Variants in PKIB observed in about 807,000 individuals in gnomAD.
PKIB encodes PKI-beta.
In PKIB, 2 loss-of-function variants were observed where a neutral mutation model predicts 4.5. That is an observed-to-expected ratio of 0.44 (90% CI 0.18 to 1.39). The LOEUF (loss-of-function observed/expected upper bound fraction) is 1.39, where lower values mean the gene tolerates loss of function less well. PKIB is among the 40% of genes most tolerant of loss of function. The pLI, the probability that PKIB is intolerant of heterozygous loss-of-function variation, is 0.27. For synonymous variants in PKIB, 38 were observed against 36.0 expected (o/e 1.06, Z -0.20); for missense variants, 94 against 92.6 (o/e 1.02, Z -0.06).
intron 3 of PKIB, among the ~76,000 whole-genome samples, chr6:122,601,654 G>A (rs1193537525): frequency 6.6e-6 from 1 of 152,106 alleles, no homozygotes; most frequent in Non-Finnish European, 1.5e-5. Flanking sequence ...TGAGGATGAA[G>A]ACCTTTATAA....
intron 4 of PKIB, 49 bp downstream of exon 4, chr6:122,718,012 C>T: frequency 1.3e-6 from 2 of 1,561,520 alleles, no homozygotes; most frequent in Non-Finnish European, 8.7e-7. Context: ...CCCTTCTTAA[C>T]CAAGCCTTTT....
chr6:122,629,324 A>T (rs1775592776), intron 1 of PKIB, among the ~76,000 whole-genome samples: 1 of 152,212 alleles, frequency 6.6e-6, no homozygotes, highest in African/African-American at 2.4e-5. Context: ...ATGATGACCC[A>T]ATCTGGAACA....
At chr6:122,641,516 A>C (rs1776119324) in intron 2 of PKIB, among the ~76,000 whole-genome samples, 1 of 152,188 alleles carries the variant, frequency 6.6e-6, no homozygotes, top group South Asian at 2.1e-4. Context: ...TTCCCAGGCA[A>C]ACCACAATGA....
chr6:122,528,592 T>C (rs1314916598), intron 2 of PKIB, among the ~76,000 whole-genome samples: 4 of 152,152 alleles, frequency 2.6e-5, no homozygotes, highest in African/African-American at 9.7e-5. Flanking sequence ...CCTCTTCTTA[T>C]AAGAACGTTA....
At chr6:122,640,046 C>T (rs1038810699) in intron 2 of PKIB, among the ~76,000 whole-genome samples, 1 of 152,028 alleles carries the variant, frequency 6.6e-6, no homozygotes, top group Admixed American at 6.6e-5. Context: ...ATCCTTAGTG[C>T]CTACATCAGA....
chr6:122,506,512 GA>G (rs1776402192), intron 2 of PKIB, among the ~76,000 whole-genome samples: 1 of 152,076 alleles, frequency 6.6e-6, no homozygotes, highest in African/African-American at 2.4e-5. Context: ...CAAATTATGG[GA>G]AACTGGGCAT....
At chr6:122,567,603 A>G (rs1012286323) in intron 2 of PKIB, among the ~76,000 whole-genome samples, 2 of 152,248 alleles carry the variant, frequency 1.3e-5, no homozygotes, top group South Asian at 2.1e-4. Flanking sequence ...TTGTAGCAAC[A>G]TAGATAAATC....
At chr6:122,567,071 G>A (rs1196491609) in intron 2 of PKIB, among the ~76,000 whole-genome samples, 1 of 152,130 alleles carries the variant, frequency 6.6e-6, no homozygotes, top group Non-Finnish European at 1.5e-5. Flanking sequence ...AATTTCAATA[G>A]GCTGTCACCA....
At position 122,585,919 on chromosome 6, in the gene PKIB, AG is replaced by A. The variant is rs1773835740; in HGVS notation, c.-247del. 1 of 152,076 alleles carries A rather than the reference AG, an allele frequency of 6.6e-6. No individual in the cohort carries two copies. The highest frequency in any genetic ancestry group is 2.4e-5 in the African/African-American group (1 of 41,514). 9.4% of individuals were successfully genotyped at this position (152,076 alleles called of 1,614,324 possible). ...ACTTGTTTTTCTCTTTCTCTCTCTT[AG>A]GTTTTTCTTTCGTTTAAAGATGACA... is the stretch of plus-strand genomic sequence containing the variant. On this transcript the variant is annotated splice_acceptor_variant, in intron 2 of 6. Coordinates refer to the PKIB transcript ENST00000392491. LOFTEE classifies it low-confidence loss of function (5UTR_SPLICE).
chr6:122,582,780 C>T (rs920975526), intron 2 of PKIB, among the ~76,000 whole-genome samples: 16 of 151,970 alleles, frequency 1.1e-4, no homozygotes, highest in African/African-American at 2.7e-4. Flanking sequence ...AGAGGCTCCA[C>T]GAGGTCAGGG....
chr6:122,547,628 G>A (rs35524515), intron 2 of PKIB, among the ~76,000 whole-genome samples: 5 of 151,148 alleles, frequency 3.3e-5, no homozygotes, highest in Admixed American at 1.3e-4. Flanking sequence ...GTGAGCCACC[G>A]CGCCCGGCCT....
intron 3 of PKIB, among the ~76,000 whole-genome samples, chr6:122,596,178 C>G (rs936837357): frequency 6.6e-6 from 1 of 152,208 alleles, no homozygotes; most frequent in East Asian, 1.9e-4. Context: ...TGCCCTTCAC[C>G]ACTGTCCTTC....
chr6:122,685,191 G>T (rs1778048884), intron 3 of PKIB, among the ~76,000 whole-genome samples: 1 of 152,102 alleles, frequency 6.6e-6, no homozygotes, highest in Admixed American at 6.5e-5. Context: ...TTGTGCCAAA[G>T]TGTAGGTAAT....
At chr6:122,576,495 C>T (rs1175620009) in intron 2 of PKIB, among the ~76,000 whole-genome samples, 1 of 150,856 alleles carries the variant, frequency 6.6e-6, no homozygotes, top group African/African-American at 2.4e-5. Context: ...GGTGAAACCC[C>T]GTTTCTACTA....
At chr6:122,483,155 T>C (rs915216215) in intron 2 of PKIB, 3 of 152,154 alleles carry the variant, frequency 2.0e-5, no homozygotes, top group Non-Finnish European at 1.5e-5. Flanking sequence ...GTAAGTTATC[T>C]CTTTTTCTTC....
intron 3 of PKIB, among the ~76,000 whole-genome samples, chr6:122,602,812 C>T (rs902782244): frequency 3.3e-5 from 5 of 151,732 alleles, no homozygotes; most frequent in African/African-American, 7.3e-5. Context: ...AAAAATTAGC[C>T]GGGTGTGGTG....
chr6:122,635,686 A>G (rs1368089783), intron 2 of PKIB, among the ~76,000 whole-genome samples: 1 of 152,082 alleles, frequency 6.6e-6, no homozygotes, highest in East Asian at 1.9e-4. Flanking sequence ...AAAGTGGTTT[A>G]GTATCAGGAA....
intron 2 of PKIB, among the ~76,000 whole-genome samples, chr6:122,581,399 T>C (rs1773699542): frequency 6.6e-6 from 1 of 152,130 alleles, no homozygotes; most frequent in African/African-American, 2.4e-5. Context: ...TTATGATTGT[T>C]AGTTATTATT....
intron 3 of PKIB, among the ~76,000 whole-genome samples, chr6:122,679,806 C>T (rs145226389): frequency 0.041 from 6,316 of 152,234 alleles, 172 homozygotes; most frequent in Middle Eastern, 0.071. Flanking sequence ...GAGAGAATCA[C>T]GTACATTGTC....
Sources: gnomAD v4.1 joint callset for allele counts (sites outside exome capture counted in the v4.1 genomes callset) on GRCh38, gnomAD v4.1.1 for gene constraint, MANE v1.5 for transcripts, NCBI Gene and HGNC (gene_info 2026-07-23, HGNC 2026-07-21) for gene names.